The following MBOAT2 variants were observed in gnomAD, a reference collection of about 807,000 sequenced individuals.
The protein encoded by MBOAT2 is membrane-bound glycerophospholipid O-acyltransferase 2.
Under a neutral mutation model 63.4 loss-of-function variants are expected in MBOAT2, and 28 were observed. The observed-to-expected ratio is 0.44, with a 90% CI of 0.33 to 0.61. The LOEUF is 0.61. Among genes scored for constraint, MBOAT2 ranks in the 20% least tolerant of loss-of-function variants. The probability of loss-of-function intolerance (pLI) is 0.03; values close to 1 mark genes in which losing one functional copy is unlikely to be tolerated. For synonymous variants in MBOAT2, 211 were observed against 215.6 expected (o/e 0.98, Z 0.19); for missense variants, 470 against 605.8 (o/e 0.78, Z 2.35).
chr2:8,888,163 A>G, intron 4 of MBOAT2, 90 bp from the exon 5 acceptor site: 1 of 1,178,402 alleles, frequency 8.5e-7, no homozygotes, highest in Admixed American at 2.2e-5. Flanking sequence ...TTCTGCTTTT[A>G]TCACTACAAA....
intron 3 of MBOAT2, among the ~76,000 whole-genome samples, chr2:8,921,412 T>C (rs1003973573): frequency 1.3e-5 from 2 of 152,192 alleles, no homozygotes; most frequent in Non-Finnish European, 2.9e-5. Flanking sequence ...CATCTACATA[T>C]TTTACAATAC....
Position 8,908,662 on chromosome 2 carries a change from G to A in MBOAT2, c.354C>T (p.Val118=). Reference sequence around the variant, plus strand: ...AATATTGTCCATAGTCAAAGATATAGACTCGAGTAACTTGGCACACTGTGA... The same window carrying A: ...AATATTGTCCATAGTCAAAGATATAAACTCGAGTAACTTGGCACACTGTGA... ...GYLTVCQVTR[V]YIFDYGQYSA... Residue 118 remains valine (V), a synonymous_variant, in exon 4 of 13, where the codon GTC becomes GTT. Coordinates refer to ENST00000305997, the MANE Select transcript of MBOAT2 (RefSeq NM_138799.4). 6.2e-7 allele frequency: 1 copy of A among 1,611,900 alleles called. No individual in the cohort carries two copies. Among genetic ancestry groups the A allele is most frequent in the Non-Finnish European group, 8.5e-7 (1 of 1,178,702 alleles).
In MBOAT2 at chr2:8,877,196, A is replaced by G; in HGVS notation, c.524T>C (p.Leu175Pro). Residue 175 changes from leucine (L) to proline (P), a missense_variant, in exon 7 of 13, where the codon CTG becomes CCG. Physicochemically the swap from Leu to Pro is moderately conservative, Grantham distance 98. Around this residue, in one of 3 missense-constraint regions of MBOAT2, gnomAD observed 376 missense variants for 503.8 expected, o/e 0.75. Coordinates refer to ENST00000305997, the MANE Select transcript of MBOAT2 (RefSeq NM_138799.4). ...GTTACAGTTGTAACTCAAATACTCC[A>G]GTAAGCTTGGCATGCGCCTGCAATG... ...DLAVRRMPSLLEYLSYNCNFM... is the reference protein window; with the variant it reads ...DLAVRRMPSLPEYLSYNCNFM... The G allele has an allele frequency of 6.2e-7, 1 of 1,611,974 alleles. No individual in the cohort carries two copies. Among genetic ancestry groups the G allele is most frequent in the East Asian group, 2.2e-5 (1 of 44,844 alleles).
rs756925657 is a variant in MBOAT2 at position 8,858,657 on chromosome 2, AC to A, written c.*21del. On this transcript the variant is annotated 3_prime_UTR_variant, in exon 13 of 13. Coordinates refer to ENST00000305997, the MANE Select transcript of MBOAT2 (RefSeq NM_138799.4). ...TTTCTGTTAACATCAAAAAAAAAAA[AC>A]AGCCCTCAGAGCCTTCCCGATCACT... 2.0e-6 allele frequency: 3 copies of A among 1,530,462 alleles called. No individual in the cohort carries two copies. The East Asian group carries it at 6.8e-5, about 35-fold the overall frequency. The allele number at this position is 1,530,462 out of a possible 1,614,324, so 94.8% of individuals were successfully genotyped here. A position where few individuals can be genotyped will look rare whatever the true frequency, so the allele number is the denominator to read the frequency against.
intron 8 of MBOAT2, 68 bp downstream of exon 8, chr2:8,873,040 A>C: frequency 7.0e-7 from 1 of 1,435,730 alleles, no homozygotes; most frequent in East Asian, 2.3e-5. Flanking sequence ...GCGCACTGAT[A>C]GCAATCTATC....
At chr2:8,865,904 G>A (rs1479585919) in intron 9 of MBOAT2, among the ~76,000 whole-genome samples, 1 of 152,182 alleles carries the variant, frequency 6.6e-6, no homozygotes, top group Non-Finnish European at 1.5e-5. Context: ...GGGCGTGGTG[G>A]CAGGCACCTG....
chr2:8,989,384 TA>T (rs1182116742), intron 1 of MBOAT2, among the ~76,000 whole-genome samples: 1 of 152,214 alleles, frequency 6.6e-6, no homozygotes, highest in African/African-American at 2.4e-5. Context: ...TGCTTATTAC[TA>T]AATTAGCCAT....
At chr2:8,963,353 G>C (rs529195135) in intron 1 of MBOAT2, among the ~76,000 whole-genome samples, 296 of 152,236 alleles carry the variant, frequency 1.9e-3, no homozygotes, top group African/African-American at 6.7e-3. Context: ...GCCCAGGCTA[G>C]AGTGCAGTGG....
intron 1 of MBOAT2, among the ~76,000 whole-genome samples, chr2:8,986,983 TGGTTTTTGTTATGAC>T (rs1047107275): frequency 5.9e-5 from 9 of 152,340 alleles, no homozygotes; most frequent in African/African-American, 1.9e-4. Context: ...ACACAGTCTA[TGGTTTTTGTTATGAC>T]AGCTAACTAA....
At chr2:8,963,745 TAC>T (rs1669792637) in intron 1 of MBOAT2, among the ~76,000 whole-genome samples, 2 of 152,376 alleles carry the variant, frequency 1.3e-5, no homozygotes, top group African/African-American at 4.8e-5. Flanking sequence ...ACTATGTATA[TAC>T]ATTCATTTAT....
intron 2 of MBOAT2, among the ~76,000 whole-genome samples, chr2:8,955,380 G>C (rs541821745): frequency 1.3e-5 from 2 of 152,306 alleles, no homozygotes; most frequent in South Asian, 4.2e-4. Context: ...GGAAAGGTGA[G>C]TCATAGAGAA....
intron 3 of MBOAT2, among the ~76,000 whole-genome samples, chr2:8,917,633 G>A (rs1488481136): frequency 3.3e-5 from 5 of 152,210 alleles, no homozygotes; most frequent in East Asian, 3.9e-4. Context: ...TACACTGCCA[G>A]TGGGAGTGTA....
intron 1 of MBOAT2, among the ~76,000 whole-genome samples, chr2:8,962,676 CTA>C (rs139600453): frequency 1.7e-4 from 26 of 149,444 alleles, no homozygotes; most frequent in Admixed American, 2.7e-4. Context: ...AAAACTAAAA[CTA>C]TATATATATA....
intron 1 of MBOAT2, among the ~76,000 whole-genome samples, chr2:8,966,853 A>C (rs1670031803): frequency 6.6e-6 from 1 of 152,200 alleles, no homozygotes; most frequent in Non-Finnish European, 1.5e-5. Flanking sequence ...TCCAATACCC[A>C]TGTGTCTAAC....
chr2:8,965,614 T>C (rs1669923957), intron 1 of MBOAT2, among the ~76,000 whole-genome samples: 1 of 152,170 alleles, frequency 6.6e-6, no homozygotes, highest in Non-Finnish European at 1.5e-5. Flanking sequence ...TCCAGCTTTA[T>C]ATGTATATTT....
intron 5 of MBOAT2, 25 bp from the exon 6 acceptor site, chr2:8,882,590 T>C: frequency 6.2e-7 from 1 of 1,612,250 alleles, no homozygotes; most frequent in Non-Finnish European, 8.5e-7. Context: ...TAGGTACTCA[T>C]CAATTAAGAT....
chr2:8,956,020 C>G (rs1669197547), intron 2 of MBOAT2, among the ~76,000 whole-genome samples: 1 of 151,978 alleles, frequency 6.6e-6, no homozygotes, highest in South Asian at 2.1e-4. Flanking sequence ...ACTTAATAGA[C>G]CAGAATATAG....
chr2:8,968,722 G>C (rs541602590), intron 1 of MBOAT2, among the ~76,000 whole-genome samples: 18 of 151,744 alleles, frequency 1.2e-4, no homozygotes, highest in Non-Finnish European at 2.5e-4. Context: ...ATAAGAACTA[G>C]GTGATGAATG....
chr2:8,925,628 T>C (rs1666880569), intron 3 of MBOAT2, among the ~76,000 whole-genome samples: 1 of 152,222 alleles, frequency 6.6e-6, no homozygotes, highest in Non-Finnish European at 1.5e-5. Flanking sequence ...TCAGTTCTGT[T>C]AGAATATACA....
Sources: allele counts gnomAD v4.1 joint callset (sites outside exome capture counted in the v4.1 genomes callset), GRCh38; gene constraint gnomAD v4.1.1; regional missense constraint gnomAD v4.1.1; transcripts MANE v1.5; gene names NCBI Gene and HGNC (gene_info 2026-07-23, HGNC 2026-07-21).